RBFOX2: variants seen among roughly 807,000 people sequenced by gnomAD.
RBFOX2 encodes RNA binding protein fox-1 homolog 2.
Under a neutral mutation model 49.1 loss-of-function variants are expected in RBFOX2, and 10 were observed. The ratio of observed to expected loss-of-function variants is 0.20; its 90% CI spans 0.13 to 0.35. The LOEUF (loss-of-function observed/expected upper bound fraction) is 0.35, where lower values mean the gene tolerates loss of function less well. Ranked by LOEUF, RBFOX2 falls within the 10% of genes least tolerant of loss-of-function variation. The probability of loss-of-function intolerance (pLI) is 1.00; values close to 1 mark genes in which losing one functional copy is unlikely to be tolerated. For missense variants in RBFOX2, 323 were observed against 486.9 expected, an observed-to-expected ratio of 0.66 and a Z score of 3.17; for synonymous variants, 183 against 187.4, an observed-to-expected ratio of 0.98 and a Z score of 0.19.
At chr22:35,839,599 G>A (rs1323704315) in intron 1 of RBFOX2, among the ~76,000 whole-genome samples, 3 of 152,244 alleles carry the variant, frequency 2.0e-5, no homozygotes, top group Non-Finnish European at 4.4e-5. Context: ...CTGTCAAGGA[G>A]GGCTCTACCT....
At chr22:35,958,729 TA>T (rs2055865931) in intron 1 of RBFOX2, among the ~76,000 whole-genome samples, 1 of 152,166 alleles carries the variant, frequency 6.6e-6, no homozygotes, top group South Asian at 2.1e-4. Flanking sequence ...ACTTCAAACC[TA>T]CCGAGGATTT....
intron 1 of RBFOX2, among the ~76,000 whole-genome samples, chr22:36,001,819 T>C (rs1415370227): frequency 1.3e-5 from 2 of 151,150 alleles, no homozygotes; most frequent in African/African-American, 4.9e-5. Flanking sequence ...ATCCCAGCAC[T>C]TTGAGAGGCC....
At chr22:35,772,233 TA>T (rs1304836849) in intron 4 of RBFOX2, among the ~76,000 whole-genome samples, 2 of 152,264 alleles carry the variant, frequency 1.3e-5, no homozygotes, top group South Asian at 2.1e-4. Context: ...AATTTTTAAT[TA>T]AAAAATGATT....
intron 1 of RBFOX2, among the ~76,000 whole-genome samples, chr22:35,975,988 C>T (rs1166192465): frequency 6.6e-6 from 1 of 152,136 alleles, no homozygotes; most frequent in Non-Finnish European, 1.5e-5. Flanking sequence ...CTCCTGCTCC[C>T]ACCCCCAAAT....
intron 1 of RBFOX2, among the ~76,000 whole-genome samples, chr22:35,990,321 TAAAG>T (rs2057920584): frequency 6.6e-6 from 1 of 151,066 alleles, no homozygotes; most frequent in Admixed American, 6.6e-5. Context: ...AAAATGAAAA[TAAAG>T]AGAGGATATT....
intron 1 of RBFOX2, among the ~76,000 whole-genome samples, chr22:35,891,497 T>C (rs948243846): frequency 3.9e-5 from 6 of 151,952 alleles, no homozygotes; most frequent in Non-Finnish European, 7.3e-5. Flanking sequence ...CTACCCATTA[T>C]GGGCATTCAT....
intron 2 of RBFOX2, among the ~76,000 whole-genome samples, chr22:35,804,714 A>G (rs899816108): frequency 6.6e-6 from 1 of 152,182 alleles, no homozygotes; most frequent in Non-Finnish European, 1.5e-5. Flanking sequence ...CAGATAAACA[A>G]AAACAGTATT....
intron 1 of RBFOX2, among the ~76,000 whole-genome samples, chr22:35,811,798 T>C (rs900408779): frequency 2.6e-5 from 4 of 151,762 alleles, no homozygotes; most frequent in African/African-American, 9.7e-5. Context: ...ACCCTGTCTC[T>C]AGAAAAACTT....
At chr22:35,780,372 A>C (rs5755946) in intron 3 of RBFOX2, among the ~76,000 whole-genome samples, 3,970 of 152,110 alleles carry the variant, frequency 0.026, 146 homozygotes, top group African/African-American at 0.085. Flanking sequence ...AACAAACAAA[A>C]AAAAAAAACA....
chr22:36,024,684 T>C (rs1255497163), intron 1 of RBFOX2, among the ~76,000 whole-genome samples: 1 of 151,288 alleles, frequency 6.6e-6, no homozygotes, highest in Non-Finnish European at 1.5e-5. Flanking sequence ...GAGGTTGCAG[T>C]GAGCTGAGAT....
intron 1 of RBFOX2, among the ~76,000 whole-genome samples, chr22:35,882,973 A>C (rs183954090): frequency 6.6e-4 from 101 of 152,308 alleles, no homozygotes; most frequent in Non-Finnish European, 1.3e-3. Context: ...CTACAAAAGA[A>C]AGGCAGGAAA....
intron 1 of RBFOX2, among the ~76,000 whole-genome samples, chr22:35,909,737 G>A (rs1052171302): frequency 6.6e-6 from 1 of 152,096 alleles, no homozygotes; most frequent in Non-Finnish European, 1.5e-5. Context: ...TCAGCCTCCT[G>A]GGTAGCTGGG....
chr22:35,812,613 G>A (rs1482419282), intron 1 of RBFOX2, among the ~76,000 whole-genome samples: 1 of 152,168 alleles, frequency 6.6e-6, no homozygotes. Context: ...ACTGGTGAAT[G>A]AAACACAATA....
chr22:35,941,453 C>T (rs534189035), upstream of RBFOX2, among the ~76,000 whole-genome samples: 1 of 152,150 alleles, frequency 6.6e-6, no homozygotes, highest in East Asian at 1.9e-4. Flanking sequence ...AGTAACTGGC[C>T]CAATAACACA....
chr22:35,840,257 G>A (rs564104784), exon 1 of RBFOX2: 103 of 1,613,944 alleles, frequency 6.4e-5, no homozygotes, highest in Non-Finnish European at 8.5e-5. Context: ...CAAAGCAGCC[G>A]TGCTGGGGCA....
In RBFOX2 at chr22:35,933,953, T is replaced by TATATATATATATATATATATATAC. The variant is rs1009021083; in HGVS notation, c.-34+4893_-34+4894insGTATATATATATATATATATATAT. Among the ~76,000 whole-genome samples the TATATATATATATATATATATATAC allele has an allele frequency of 4.7e-4, 66 of 141,052 alleles. 1 individual carries two copies. Among genetic ancestry groups the TATATATATATATATATATATATAC allele is most frequent in the African/African-American group, 1.8e-3 (65 of 35,746 alleles). The allele number at this position is 141,052 out of a possible 152,430, so 92.5% of individuals were successfully genotyped here. A position where few individuals can be genotyped will look rare whatever the true frequency, so the allele number is the denominator to read the frequency against. Reference sequence around the variant, plus strand: ...ATATATATATATATATATATATATATACACACATCAATGAAATAAATTAGA... The same window carrying TATATATATATATATATATATATAC: ...ATATATATATATATATATATATATATATATATATATATATATATATATACACACACATCAATGAAATAAATTAGA... On this transcript the variant is annotated intron_variant, in intron 1 of 13. Transcript: ENST00000359369.
intron 1 of RBFOX2, among the ~76,000 whole-genome samples, chr22:35,902,016 G>T (rs2048641616): frequency 6.6e-6 from 1 of 151,918 alleles, no homozygotes; most frequent in South Asian, 2.1e-4. Flanking sequence ...AGAGGCAGAG[G>T]TTGCAGTCAG....
intron 1 of RBFOX2, among the ~76,000 whole-genome samples, chr22:35,956,867 C>A (rs796550241): frequency 2.0e-5 from 3 of 152,042 alleles, no homozygotes; most frequent in African/African-American, 7.2e-5. Context: ...GATTCATAAC[C>A]GAGGATGGAG....
At chr22:35,755,860 T>C (rs1011458205) in intron 9 of RBFOX2, among the ~76,000 whole-genome samples, 1 of 152,042 alleles carries the variant, frequency 6.6e-6, no homozygotes, top group Non-Finnish European at 1.5e-5. Flanking sequence ...TCCAGTAGAC[T>C]GACCCTTGCA....
Sources: gnomAD v4.1 joint callset for allele counts (sites outside exome capture counted in the v4.1 genomes callset) on GRCh38, gnomAD v4.1.1 for gene constraint, MANE v1.5 for transcripts, NCBI Gene and HGNC (gene_info 2026-07-23, HGNC 2026-07-21) for gene names.